PPP5C: variants seen among roughly 807,000 people sequenced by gnomAD.
PPP5C encodes the protein serine/threonine-protein phosphatase 5.
PPP5C carries 21 observed loss-of-function variants against 66.7 expected under a neutral mutation model. The ratio of observed to expected loss-of-function variants is 0.31; its 90% confidence interval spans 0.22 to 0.45. The LOEUF (loss-of-function observed/expected upper bound fraction) is 0.45, where lower values mean the gene tolerates loss of function less well. Ranked by LOEUF, PPP5C falls within the 20% of genes least tolerant of loss-of-function variation. PPP5C has a pLI of 1.00. For synonymous variants in PPP5C, 246 were observed against 257.4 expected (o/e 0.96, Z 0.43); for missense variants, 464 against 675.9 (o/e 0.69, Z 3.48).
At chr19:46,357,920 G>A (rs1041732620) in intron 2 of PPP5C, among the ~76,000 whole-genome samples, 6 of 152,182 alleles carry the variant, frequency 3.9e-5, no homozygotes, top group African/African-American at 1.2e-4. Flanking sequence ...TATACCATTG[G>A]TCATTGGTGA....
At chr19:46,368,549 T>C (rs1972529813) in intron 2 of PPP5C, among the ~76,000 whole-genome samples, 1 of 152,224 alleles carries the variant, frequency 6.6e-6, no homozygotes, top group Non-Finnish European at 1.5e-5. Context: ...ATTAATTTGT[T>C]ACCTTTTTAT....
intron 2 of PPP5C, among the ~76,000 whole-genome samples, chr19:46,360,435 C>T (rs772467700): frequency 5.9e-5 from 9 of 151,840 alleles, no homozygotes; most frequent in Admixed American, 2.6e-4. Flanking sequence ...GAAGTTAGTT[C>T]GAGGTCAAAA....
intron 1 of PPP5C, among the ~76,000 whole-genome samples, chr19:46,351,230 A>T (rs896090728): frequency 7.9e-5 from 12 of 151,970 alleles, no homozygotes; most frequent in African/African-American, 2.9e-4. Context: ...AAATGACTTA[A>T]CTTCTCTGGG....
intron 2 of PPP5C, among the ~76,000 whole-genome samples, chr19:46,373,591 G>A (rs879412032): frequency 1.3e-5 from 2 of 151,804 alleles, no homozygotes; most frequent in Non-Finnish European, 2.9e-5. Flanking sequence ...CCCACCCCTG[G>A]AGAACAGGAG....
At chr19:46,364,356 C>G (rs973655411) in intron 2 of PPP5C, among the ~76,000 whole-genome samples, 7 of 152,184 alleles carry the variant, frequency 4.6e-5, no homozygotes, top group African/African-American at 1.7e-4. Flanking sequence ...TGGCTCACCC[C>G]TGTAATCCCA....
rs781124418 is a variant in PPP5C at position 46,383,734 on chromosome 19, G to A, written c.700-46G>A. 8.5e-5 allele frequency: 126 copies of A among 1,483,552 alleles called. No homozygotes were observed. The highest frequency in any genetic ancestry group is 5.6e-5 in the African/African-American group (4 of 71,972). The allele number at this position is 1,483,552 out of a possible 1,614,324, so 91.9% of individuals were successfully genotyped here. On this transcript the variant is annotated intron_variant, in intron 5 of 12. Coordinates refer to ENST00000012443, the MANE Select transcript of PPP5C (RefSeq NM_006247.4). The surrounding 1 kb of genome is among the most constrained non-coding windows in gnomAD (Gnocchi z 5.0). ...CCCCTCACCTCTGCCCCCTCCCCACGTCTCTCTCTCGGCCCGTCCCTCTCC... is the reference window on the plus strand; with the variant it reads ...CCCCTCACCTCTGCCCCCTCCCCACATCTCTCTCTCGGCCCGTCCCTCTCC...
In PPP5C at chr19:46,383,953, G is replaced by A. The variant is rs1361805740; in HGVS notation, c.798+75G>A. Reference sequence around the variant, plus strand: ...AGCCTCAGGTCTGCACAGAGTGGGAGGAGCCCTTGCCAGGAAAAGACGTGA... The same window carrying A: ...AGCCTCAGGTCTGCACAGAGTGGGAAGAGCCCTTGCCAGGAAAAGACGTGA... On this transcript the variant is annotated intron_variant, in intron 6 of 12. Transcript: ENST00000012443. The surrounding 1 kb of genome is among the most constrained non-coding windows in gnomAD (Gnocchi z 5.0). The A allele has an allele frequency of 1.6e-6, 2 of 1,235,604 alleles. No individual in the cohort carries two copies. The highest frequency in any genetic ancestry group is 3.6e-5 in the Admixed American group (2 of 55,582). The allele number at this position is 1,235,604 out of a possible 1,614,324, so 76.5% of individuals were successfully genotyped here.
At chr19:46,381,268 A>G (rs1972786120) in intron 4 of PPP5C, among the ~76,000 whole-genome samples, 2 of 152,074 alleles carry the variant, frequency 1.3e-5, no homozygotes, top group African/African-American at 4.8e-5. Context: ...CACCTTTTCC[A>G]CCAAGTCCTT....
intron 1 of PPP5C, among the ~76,000 whole-genome samples, chr19:46,352,934 C>T (rs1972215817): frequency 6.6e-6 from 1 of 152,134 alleles, no homozygotes; most frequent in Admixed American, 6.5e-5. Context: ...ATGTAGTTTC[C>T]CTGGGCTTGT....
intron 6 of PPP5C, 37 bp from the exon 7 acceptor site, chr19:46,384,767 C>A: frequency 7.6e-6 from 11 of 1,452,314 alleles, no homozygotes; most frequent in Non-Finnish European, 9.7e-6. Context: ...CCGCACCCTT[C>A]CCCTCCACGC....
intron 2 of PPP5C, among the ~76,000 whole-genome samples, chr19:46,355,867 A>G (rs1451083551): frequency 2.0e-5 from 3 of 151,622 alleles, no homozygotes; most frequent in South Asian, 2.1e-4. Context: ...AGGAGCCCCA[A>G]GGACAGGTTT....
chr19:46,390,667 C>T lies in PPP5C; in HGVS notation c.*321C>T. Reference sequence around the variant, plus strand: ...CCCTGCCCCCCTCATTTGCATGGCTCCTCCCCCACTCAAGCAATAGGGCCC... The same window carrying T: ...CCCTGCCCCCCTCATTTGCATGGCTTCTCCCCCACTCAAGCAATAGGGCCC... On this transcript the variant is annotated 3_prime_UTR_variant, in exon 13 of 13. Transcript: ENST00000012443. 8.0e-7 allele frequency: 1 copy of T among 1,247,146 alleles called. No homozygotes were observed. The highest frequency in any genetic ancestry group is 1.0e-6 in the Non-Finnish European group (1 of 980,968). The allele number at this position is 1,247,146 out of a possible 1,614,324, so 77.3% of individuals were successfully genotyped here.
intron 7 of PPP5C, among the ~76,000 whole-genome samples, chr19:46,385,423 C>G (rs1481989760): frequency 2.0e-5 from 3 of 152,144 alleles, no homozygotes. Context: ...GTAGGAGGAT[C>G]ACTTCAGCCC....
intron 4 of PPP5C, among the ~76,000 whole-genome samples, chr19:46,380,395 G>A (rs1013127475): frequency 6.6e-6 from 1 of 151,780 alleles, no homozygotes; most frequent in African/African-American, 2.4e-5. Flanking sequence ...CTCTTGTCAT[G>A]CTTATGCATC....
intron 2 of PPP5C, among the ~76,000 whole-genome samples, chr19:46,369,493 G>C (rs1472136791): frequency 6.6e-6 from 1 of 151,926 alleles, no homozygotes; most frequent in Non-Finnish European, 1.5e-5. Context: ...TTAGCCGGGC[G>C]TGGTGGCAGG....
At position 46,383,196 on chromosome 19, in the gene PPP5C, C is replaced by T. The variant is rs1200811178; in HGVS notation, c.634-215C>T. 4.6e-6 allele frequency: 7 copies of T among 1,506,536 alleles called. No individual in the cohort carries two copies. The highest frequency in any genetic ancestry group is 3.7e-5 in the South Asian group (3 of 81,712). 93.3% of individuals were successfully genotyped at this position (1,506,536 alleles called of 1,614,324 possible). ...GAATCAGGTTTTCGTACAAAACAAT[C>T]GCAATGCTTCGGCACTGCACAGGCC... On this transcript the variant is annotated intron_variant, in intron 4 of 12. Coordinates refer to ENST00000012443, the MANE Select transcript of PPP5C (RefSeq NM_006247.4). The surrounding 1 kb of genome is among the most constrained non-coding windows in gnomAD (Gnocchi z 5.0).
At position 46,387,568 on chromosome 19, in the gene PPP5C, C is replaced by T. The variant is rs557179222; in HGVS notation, c.1135+115C>T. ...GCTTTGTGCCCTTGGCAAGAAACAG[C>T]GGGTCTGAGCCTCAGTTTCCTCACC... is the stretch of plus-strand genomic sequence containing the variant. On this transcript the variant is annotated intron_variant, in intron 9 of 12. Transcript: ENST00000012443. 3.5e-5 allele frequency: 55 copies of T among 1,575,940 alleles called. No homozygotes were observed. The African/African-American group carries it at 5.8e-4, about 17-fold the overall frequency.
chr19:46,350,549 G>T (rs1972165818), intron 1 of PPP5C, among the ~76,000 whole-genome samples: 1 of 152,172 alleles, frequency 6.6e-6, no homozygotes, highest in South Asian at 2.1e-4. Context: ...GCTGGCCCAG[G>T]CCCCTTGCTG....
chr19:46,382,290 C>T (rs1434028602), intron 4 of PPP5C: 4 of 152,262 alleles, frequency 2.6e-5, no homozygotes, highest in African/African-American at 9.6e-5. Flanking sequence ...CTGTGGGCTC[C>T]TTCCCCAAGG....
Sources: allele counts gnomAD v4.1 joint callset (sites outside exome capture counted in the v4.1 genomes callset), GRCh38; gene constraint gnomAD v4.1.1; non-coding constraint Gnocchi (gnomAD v3.1); transcripts MANE v1.5; gene names NCBI Gene and HGNC (gene_info 2026-07-23, HGNC 2026-07-21).